TRIM14: variants seen among roughly 807,000 people sequenced by gnomAD.
TRIM14 encodes the protein tripartite motif containing 14.
In TRIM14, 28 loss-of-function variants were observed where a neutral mutation model predicts 44.5. The observed-to-expected ratio is 0.63, with a 90% CI of 0.47 to 0.86. The LOEUF is 0.86. Among genes scored for constraint, TRIM14 ranks in the 40% least tolerant of loss-of-function variants. The pLI is 0.00. For missense variants in TRIM14, 607 were observed against 611.1 expected (o/e 0.99, Z 0.07); for synonymous variants, 299 against 269.2 (o/e 1.11, Z -1.08).
exon 7 of TRIM14, chr9:98,069,463 G>A (rs1368537288): frequency 1.3e-5 from 2 of 152,088 alleles, no homozygotes; most frequent in African/African-American, 2.4e-5. Context: ...TTGCAGAGAT[G>A]GGGTTTCACC....
At position 98,086,725 on chromosome 9, in the gene TRIM14, AGAGT is replaced by A. The variant is rs1825788008; in HGVS notation, c.*741_*744del. The A allele has an allele frequency of 6.6e-6, 1 of 152,306 alleles. No homozygotes were observed. The highest frequency in any genetic ancestry group is 1.5e-5 in the Non-Finnish European group (1 of 68,142). 9.4% of individuals were successfully genotyped at this position (152,306 alleles called of 1,614,324 possible). The stretch of plus-strand genomic sequence containing the variant: ...AACTATGCGACACATTTCTGACTGG[AGAGT>A]CTCTAAGAAGAGTGGTAGGAGCTAG... On this transcript the variant is annotated 3_prime_UTR_variant, in exon 6 of 6. Transcript: ENST00000341469.
the TRIM14 span, among the ~76,000 whole-genome samples, chr9:98,061,633 AGCTGG>A: frequency 6.7e-6 from 1 of 150,194 alleles, no homozygotes; most frequent in Non-Finnish European, 1.5e-5. Context: ...ACAAAAAATT[AGCTGG>A]GCGTGGTGGC....
intron 5 of TRIM14, among the ~76,000 whole-genome samples, chr9:98,090,055 A>G (rs926903688): frequency 2.0e-5 from 3 of 152,198 alleles, no homozygotes; most frequent in Admixed American, 2.0e-4. Flanking sequence ...TATATGTCTA[A>G]GGTGGGAGAA....
At chr9:98,091,874 C>G in intron 5 of TRIM14, 35 bp downstream of exon 5, 1 of 1,424,482 alleles carries the variant, frequency 7.0e-7, no homozygotes. Flanking sequence ...CCATCTCCAC[C>G]GTCTCCACCC....
chr9:98,042,428 C>G, the TRIM14 span, among the ~76,000 whole-genome samples: 4 of 151,822 alleles, frequency 2.6e-5, no homozygotes, highest in African/African-American at 9.7e-5. Context: ...ATTACATTTA[C>G]CTGATTATTT....
At chr9:98,064,686 A>G (rs539696477), downstream of TRIM14, among the ~76,000 whole-genome samples, 11 of 152,240 alleles carry the variant, frequency 7.2e-5, no homozygotes, top group Non-Finnish European at 1.2e-4. Flanking sequence ...AAGTTTGTTC[A>G]GTATCACACA....
chr9:98,092,540 T>C (rs1339065168), intron 4 of TRIM14: 4 of 423,302 alleles, frequency 9.4e-6, no homozygotes, highest in Non-Finnish European at 1.9e-5. Flanking sequence ...CCAGCACTCA[T>C]CACAGGGGCC....
chr9:98,058,245 G>C, the TRIM14 span, among the ~76,000 whole-genome samples: 1 of 152,000 alleles, frequency 6.6e-6, no homozygotes, highest in Non-Finnish European at 1.5e-5. Flanking sequence ...CTGGTTTTAT[G>C]GAAACCTAAT....
At chr9:98,071,393 T>C (rs376882335) in intron 6 of TRIM14, among the ~76,000 whole-genome samples, 297 of 152,354 alleles carry the variant, frequency 1.9e-3, no homozygotes, top group African/African-American at 6.9e-3. Context: ...CTCTGCCTGT[T>C]ATTTTTGGTA....
At position 98,095,021 on chromosome 9, in the gene TRIM14, C is replaced by T. The variant is rs140240091; in HGVS notation, c.546G>A (p.Thr182=). 245 of 1,613,030 alleles carry T rather than the reference C, an allele frequency of 1.5e-4. No homozygotes were observed. The highest frequency in any genetic ancestry group is 8.3e-4 in the Middle Eastern group (5 of 6,022). Reference sequence around the variant, plus strand: ...GCTGCTGCATCTCCTGCTCGGTGGCCGTGTATGCCTGTGTGGGCACACGGG... The same window carrying T: ...GCTGCTGCATCTCCTGCTCGGTGGCTGTGTATGCCTGTGTGGGCACACGGG... ...PDPVQRLQAY[T]ATEQEMQQQM... is the part of the protein sequence containing the mutation. Residue 182 remains threonine (T), a synonymous_variant, in exon 4 of 6, where the codon ACG becomes ACA. Coordinates refer to ENST00000341469, the MANE Select transcript of TRIM14 (RefSeq NM_014788.4). This position sits in a 1 kb window ranked among gnomAD's most constrained non-coding sequence, Gnocchi z 4.1.
At chr9:98,053,096 A>T in the TRIM14 span, among the ~76,000 whole-genome samples, 1 of 152,234 alleles carries the variant, frequency 6.6e-6, no homozygotes, top group Non-Finnish European at 1.5e-5. Context: ...ATAACAAACC[A>T]GAAAGGGCTC....
the TRIM14 span, among the ~76,000 whole-genome samples, chr9:98,059,614 T>C: frequency 6.6e-5 from 10 of 152,270 alleles, 1 homozygote; most frequent in South Asian, 2.1e-3. Context: ...AGGGTCTTAC[T>C]ATGTTGCCGA....
chr9:98,112,972 G>C (rs1007597556), intron 1 of TRIM14, among the ~76,000 whole-genome samples: 6 of 150,952 alleles, frequency 4.0e-5, no homozygotes, highest in African/African-American at 1.5e-4. Flanking sequence ...AAATTAACTG[G>C]GCATGGTGTT....
intron 1 of TRIM14, among the ~76,000 whole-genome samples, chr9:98,117,961 C>T (rs574643402): frequency 6.6e-6 from 1 of 152,214 alleles, no homozygotes; most frequent in South Asian, 2.1e-4. Context: ...GGTCTGGTGG[C>T]AGGGACAGGT....
downstream of TRIM14, among the ~76,000 whole-genome samples, chr9:98,068,573 G>T (rs1829217730): frequency 6.6e-6 from 1 of 151,678 alleles, no homozygotes; most frequent in Non-Finnish European, 1.5e-5. Flanking sequence ...CAGTACTTTG[G>T]GAAGCTGAGG....
At chr9:98,115,674 G>A (rs774312887) in intron 1 of TRIM14, among the ~76,000 whole-genome samples, 21 of 151,982 alleles carry the variant, frequency 1.4e-4, no homozygotes, top group Non-Finnish European at 2.8e-4. Context: ...GTGAGCCACC[G>A]CACCTGGCTA....
the TRIM14 span, among the ~76,000 whole-genome samples, chr9:98,040,392 C>A: frequency 1.3e-5 from 2 of 152,080 alleles, no homozygotes; most frequent in African/African-American, 4.8e-5. Flanking sequence ...TTCTCCTGGA[C>A]TGCTCGGGGC....
At chr9:98,065,706 C>G (rs1052111097), downstream of TRIM14, among the ~76,000 whole-genome samples, 4 of 151,370 alleles carry the variant, frequency 2.6e-5, no homozygotes, top group Non-Finnish European at 5.9e-5. Context: ...GAAATCTCAA[C>G]TTGAATTTTA....
downstream of TRIM14, among the ~76,000 whole-genome samples, chr9:98,082,671 T>C (rs1468179107): frequency 6.6e-6 from 1 of 152,218 alleles, no homozygotes; most frequent in Admixed American, 6.5e-5. Context: ...ATTCAATCTA[T>C]ACTGGTTGAA....
Sources: gnomAD v4.1 joint callset for allele counts (sites outside exome capture counted in the v4.1 genomes callset) on GRCh38, gnomAD v4.1.1 for gene constraint, Gnocchi (gnomAD v3.1) non-coding constraint, MANE v1.5 for transcripts, NCBI Gene and HGNC (gene_info 2026-07-23, HGNC 2026-07-21) for gene names.